Variants in AGBL4 observed in about 807,000 individuals in gnomAD.
AGBL4 encodes cytosolic carboxypeptidase 6.
A neutral mutation model predicts 66.4 loss-of-function variants in AGBL4; 58 were observed. That is an observed-to-expected ratio of 0.87 (90% CI 0.71 to 1.09). The LOEUF (loss-of-function observed/expected upper bound fraction) is 1.09. Among genes scored for constraint, AGBL4 ranks in the 50% least tolerant of loss-of-function variants. The pLI is 0.00. For synonymous variants in AGBL4, 234 were observed against 222.9 expected (o/e 1.05, Z -0.44); for missense variants, 579 against 631.0 (o/e 0.92, Z 0.88).
At chr1:49,954,996 C>A (rs1394407276) in intron 1 of AGBL4, among the ~76,000 whole-genome samples, 1 of 151,850 alleles carries the variant, frequency 6.6e-6, no homozygotes. Context: ...ATTCTCATCT[C>A]AAAGAGGCCT....
intron 11 of AGBL4, among the ~76,000 whole-genome samples, chr1:48,580,360 T>C (rs1644721214): frequency 6.6e-6 from 1 of 152,174 alleles, no homozygotes; most frequent in South Asian, 2.1e-4. Context: ...CTCATCTTGC[T>C]CAACCTTGGA....
At chr1:49,753,191 T>C (rs1370713356) in intron 2 of AGBL4, among the ~76,000 whole-genome samples, 1 of 152,270 alleles carries the variant, frequency 6.6e-6, no homozygotes, top group African/African-American at 2.4e-5. Flanking sequence ...GGTATGGTTT[T>C]GCACTGGCTG....
intron 3 of AGBL4, among the ~76,000 whole-genome samples, chr1:49,610,262 T>G (rs1223738695): frequency 2.0e-5 from 3 of 151,990 alleles, no homozygotes; most frequent in African/African-American, 7.3e-5. Flanking sequence ...TGCATGGGAG[T>G]GTTATTTTCC....
intron 3 of AGBL4, among the ~76,000 whole-genome samples, chr1:49,317,164 G>A (rs952629987): frequency 5.9e-5 from 9 of 151,652 alleles, no homozygotes; most frequent in East Asian, 3.9e-4. Flanking sequence ...GTTATGAGCC[G>A]GATTTTTTGT....
intron 1 of AGBL4, among the ~76,000 whole-genome samples, chr1:49,948,032 A>ATT (rs1557607912): frequency 1.8e-4 from 5 of 28,508 alleles, no homozygotes; most frequent in African/African-American, 6.8e-4. Flanking sequence ...ATATAAATAT[A>ATT]TATACATATA....
intron 11 of AGBL4, among the ~76,000 whole-genome samples, chr1:48,542,245 T>C (rs976886191): frequency 1.3e-5 from 2 of 152,260 alleles, no homozygotes; most frequent in Non-Finnish European, 2.9e-5. Flanking sequence ...CTATCATTGA[T>C]GGGCATTTGG....
At chr1:49,850,733 T>A (rs752246814) in intron 2 of AGBL4, among the ~76,000 whole-genome samples, 1 of 152,088 alleles carries the variant, frequency 6.6e-6, no homozygotes, top group East Asian at 1.9e-4. Context: ...TCAGAACCAA[T>A]GAAAATTAAT....
At chr1:48,594,592 A>G (rs1644968125) in intron 9 of AGBL4, among the ~76,000 whole-genome samples, 1 of 152,064 alleles carries the variant, frequency 6.6e-6, no homozygotes, top group Non-Finnish European at 1.5e-5. Flanking sequence ...CAGTTTATCC[A>G]TCTTTTCTTT....
intron 3 of AGBL4, among the ~76,000 whole-genome samples, chr1:49,493,629 C>A (rs771404880): frequency 6.6e-6 from 1 of 151,800 alleles, no homozygotes; most frequent in Non-Finnish European, 1.5e-5. Context: ...TAACAGGAAC[C>A]CAAGAGAAGG....
intron 3 of AGBL4, among the ~76,000 whole-genome samples, chr1:49,492,029 G>GTC (rs1208385970): frequency 6.6e-6 from 1 of 151,694 alleles, no homozygotes; most frequent in Middle Eastern, 3.2e-3. Context: ...TGTGAATGTG[G>GTC]TCTCTCTCTC....
At chr1:49,372,548 G>A (rs1644368361) in intron 3 of AGBL4, among the ~76,000 whole-genome samples, 1 of 151,780 alleles carries the variant, frequency 6.6e-6, no homozygotes, top group Non-Finnish European at 1.5e-5. Context: ...ACTGTTTATT[G>A]AAATTCAGTT....
At chr1:49,550,827 C>T (rs1652894409) in intron 3 of AGBL4, among the ~76,000 whole-genome samples, 1 of 152,138 alleles carries the variant, frequency 6.6e-6, no homozygotes, top group Non-Finnish European at 1.5e-5. Flanking sequence ...CTTCATGCTT[C>T]TTGTATTTGG....
rs1553221111 is a variant in AGBL4, at chr1:49,530,259, T to TAAAAAAAAAAAACAAA, written c.282+167053_282+167054insTTTGTTTTTTTTTTTT. 5.8e-4 allele frequency among the ~76,000 whole-genome samples: 44 copies of TAAAAAAAAAAAACAAA among 75,978 alleles called. 1 individual carries two copies. In the East Asian group the frequency reaches 9.4e-3, roughly 16 times the overall value. 49.8% of individuals were successfully genotyped at this position (75,978 alleles called of 152,430 possible). ...CAGCTATGTTTTCAAGTAGAATTTGTAAAAAAAAAAAAACAAAAAAAAACT... is the reference window on the plus strand; with the variant it reads ...CAGCTATGTTTTCAAGTAGAATTTGTAAAAAAAAAAAACAAAAAAAAAAAAAAAACAAAAAAAAACT... On this transcript the variant is annotated intron_variant, in intron 3 of 13. Coordinates refer to ENST00000371839, the MANE Select transcript of AGBL4 (RefSeq NM_032785.4).
chr1:48,915,056 G>T (rs1653471695), intron 5 of AGBL4, among the ~76,000 whole-genome samples: 2 of 152,184 alleles, frequency 1.3e-5, no homozygotes, highest in Non-Finnish European at 2.9e-5. Flanking sequence ...TCTCTATCGT[G>T]TTATTTTTCT....
chr1:49,401,045 T>G (rs1379857137), intron 3 of AGBL4, among the ~76,000 whole-genome samples: 1 of 152,136 alleles, frequency 6.6e-6, no homozygotes, highest in Non-Finnish European at 1.5e-5. Flanking sequence ...ATCAAATACT[T>G]TTTCAGCATT....
rs1644901874 is a variant in AGBL4, at chr1:48,590,716, C to T, written c.1104+117G>A. On this transcript the variant is annotated intron_variant, in intron 10 of 13. Transcript: ENST00000371839. The stretch of plus-strand genomic sequence containing the variant: ...CTCTATCTTCATCACCCACACAATA[C>T]CTAACACAGAGTTAGGTGTCCCGTG... 1.2e-5 allele frequency: 14 copies of T among 1,178,386 alleles called. No individual in the cohort carries two copies. The South Asian group carries it at 2.2e-4, about 19-fold the overall frequency. The allele number at this position is 1,178,386 out of a possible 1,614,324, so 73.0% of individuals were successfully genotyped here.
At chr1:49,394,616 A>G (rs1644916672) in intron 3 of AGBL4, among the ~76,000 whole-genome samples, 1 of 152,092 alleles carries the variant, frequency 6.6e-6, no homozygotes, top group Non-Finnish European at 1.5e-5. Flanking sequence ...AAAAACGTAA[A>G]CCCTGAAAAC....
rs533485971 is a variant in AGBL4, at chr1:49,568,951, T to G, written c.282+128362A>C. 6.6e-5 allele frequency among the ~76,000 whole-genome samples: 10 copies of G among 152,282 alleles called. No homozygotes were observed. In the South Asian group the frequency reaches 1.9e-3, roughly 28 times the overall value. On this transcript the variant is annotated intron_variant, in intron 3 of 13. Coordinates refer to ENST00000371839, the MANE Select transcript of AGBL4 (RefSeq NM_032785.4). The stretch of plus-strand genomic sequence containing the variant: ...CTCCCGCGTTTGTTACAACACTGTT[T>G]ATGATAGCTAAAATTTGGAAGTAAC...
At chr1:48,638,956 A>C (rs1377519639) in intron 8 of AGBL4, among the ~76,000 whole-genome samples, 1 of 152,182 alleles carries the variant, frequency 6.6e-6, no homozygotes, top group Non-Finnish European at 1.5e-5. Context: ...TCGAGGCTAC[A>C]TAACAAGTAC....
Sources: gnomAD v4.1 joint callset for allele counts (sites outside exome capture counted in the v4.1 genomes callset) on GRCh38, gnomAD v4.1.1 for gene constraint, MANE v1.5 for transcripts, NCBI Gene and HGNC (gene_info 2026-07-23, HGNC 2026-07-21) for gene names.